The following CA10 variants were observed in gnomAD, a reference collection of about 807,000 sequenced individuals.
The protein encoded by CA10 is carbonic anhydrase-related protein 10.
Under a neutral mutation model 44.2 loss-of-function variants are expected in CA10, and 14 were observed. That is an observed-to-expected ratio of 0.32 (90% CI 0.21 to 0.50). The LOEUF is 0.50. Among genes scored for constraint, CA10 ranks in the 20% least tolerant of loss-of-function variants. The pLI, the probability that CA10 is intolerant of heterozygous loss-of-function variation, is 0.99. For missense variants in CA10, 350 were observed against 409.7 expected (o/e 0.85, Z 1.26); for synonymous variants, 159 against 141.6 (o/e 1.12, Z -0.87).
chr17:52,153,068 C>T (rs2143416982), intron 1 of CA10, among the ~76,000 whole-genome samples: 1 of 152,228 alleles, frequency 6.6e-6, no homozygotes, highest in Admixed American at 6.5e-5. Flanking sequence ...TAAACTGAGA[C>T]ATTAGTTACT....
intron 2 of CA10, among the ~76,000 whole-genome samples, chr17:52,002,128 T>C (rs1277728418): frequency 6.6e-6 from 1 of 151,884 alleles, no homozygotes; most frequent in Non-Finnish European, 1.5e-5. Context: ...CATGAAACTT[T>C]AATTAATGGC....
At chr17:51,799,919 G>A (rs1378739615) in intron 3 of CA10, among the ~76,000 whole-genome samples, 2 of 152,190 alleles carry the variant, frequency 1.3e-5, no homozygotes, top group Non-Finnish European at 2.9e-5. Context: ...TTGGAGAAAT[G>A]TATGTTGGTG....
At chr17:51,646,978 A>T (rs763579998) in intron 6 of CA10, among the ~76,000 whole-genome samples, 3 of 151,658 alleles carry the variant, frequency 2.0e-5, no homozygotes, top group South Asian at 2.1e-4. Flanking sequence ...ATCTTTCCCC[A>T]TGCAGGCCAG....
At chr17:51,711,524 C>T (rs1180668099) in intron 4 of CA10, among the ~76,000 whole-genome samples, 1 of 152,160 alleles carries the variant, frequency 6.6e-6, no homozygotes, top group Non-Finnish European at 1.5e-5. Context: ...TGTAACTCTT[C>T]TGCTGCAAAA....
intron 4 of CA10, among the ~76,000 whole-genome samples, chr17:51,708,273 G>A (rs1182271630): frequency 2.0e-5 from 3 of 152,230 alleles, no homozygotes; most frequent in East Asian, 1.9e-4. Context: ...GGATGGCAAA[G>A]CATTGGCTTG....
chr17:51,948,351 C>T lies in CA10; in HGVS notation c.137-17219G>A, dbSNP rs1433221044. Among the ~76,000 whole-genome samples the T allele has an allele frequency of 7.2e-5, 11 of 152,274 alleles. No individual in the cohort carries two copies. In the South Asian group the frequency reaches 2.3e-3, roughly 32 times the overall value. On this transcript the variant is annotated intron_variant, in intron 2 of 8. Coordinates refer to ENST00000451037, the MANE Select transcript of CA10 (RefSeq NM_020178.5). ...CCTCCTGTTCCGGTTGGCATTATTC[C>T]AGCGATGGGTCATTGCCCTGGCACT...
rs146552710 is a variant in CA10 at position 51,666,268 on chromosome 17, G to A, written c.466-12532C>T. On this transcript the variant is annotated intron_variant, in intron 4 of 8. Coordinates refer to ENST00000451037, the MANE Select transcript of CA10 (RefSeq NM_020178.5). ...AGACCATGTGTAAGAGGAAGAGGCT[G>A]GAGCCCAGAAGGGAAGGGGAATGAG... 4.2e-3 allele frequency among the ~76,000 whole-genome samples: 634 copies of A among 152,300 alleles called. 17 individuals are homozygous for A. Among genetic ancestry groups the A allele is most frequent in the Admixed American group, 0.036 (548 of 15,294 alleles).
At chr17:52,009,618 A>C (rs2144132710) in intron 2 of CA10, among the ~76,000 whole-genome samples, 1 of 152,206 alleles carries the variant, frequency 6.6e-6, no homozygotes, top group East Asian at 1.9e-4. Context: ...AAGGTCAATT[A>C]TAATTTGTTG....
At chr17:51,813,070 C>A (rs1318093012) in intron 3 of CA10, among the ~76,000 whole-genome samples, 1 of 152,112 alleles carries the variant, frequency 6.6e-6, no homozygotes, top group Admixed American at 6.5e-5. Context: ...AGAAGAAGCA[C>A]AGAGTGAACA....
At chr17:51,983,361 CTCACA>C (rs1258035374) in intron 2 of CA10, among the ~76,000 whole-genome samples, 2 of 151,820 alleles carry the variant, frequency 1.3e-5, no homozygotes, top group African/African-American at 4.8e-5. Context: ...CACAATCTCT[CTCACA>C]TAAGGCTTTC....
chr17:51,640,761 A>T (rs897408707), intron 6 of CA10, among the ~76,000 whole-genome samples: 1 of 152,242 alleles, frequency 6.6e-6, no homozygotes, highest in African/African-American at 2.4e-5. Flanking sequence ...TAGGCCAGGA[A>T]CTAGCTTTTA....
intron 4 of CA10, among the ~76,000 whole-genome samples, chr17:51,722,328 C>T (rs1028394424): frequency 6.6e-5 from 10 of 152,160 alleles, no homozygotes; most frequent in African/African-American, 2.2e-4. Flanking sequence ...AATGATCTGG[C>T]CTAATTCCAG....
intron 3 of CA10, among the ~76,000 whole-genome samples, chr17:51,928,798 A>G (rs1051917794): frequency 3.3e-5 from 5 of 152,162 alleles, no homozygotes; most frequent in East Asian, 1.9e-4. Context: ...CAAGTTTCCA[A>G]CTCATTAAAC....
intron 4 of CA10, among the ~76,000 whole-genome samples, chr17:51,706,305 A>T (rs1251038865): frequency 6.6e-6 from 1 of 152,166 alleles, no homozygotes; most frequent in Non-Finnish European, 1.5e-5. Flanking sequence ...TCTGCATTTG[A>T]TTCCTGAGTA....
At chr17:52,129,825 G>C (rs1399564530) in intron 1 of CA10, among the ~76,000 whole-genome samples, 1 of 152,224 alleles carries the variant, frequency 6.6e-6, no homozygotes, top group East Asian at 1.9e-4. Context: ...AACAAGATTT[G>C]TTGACAATTC....
chr17:51,975,453 C>A (rs144137022), intron 2 of CA10, among the ~76,000 whole-genome samples: 3 of 152,058 alleles, frequency 2.0e-5, no homozygotes, highest in African/African-American at 4.8e-5. Context: ...CCAAGGCAGG[C>A]AAATCACCTG....
At chr17:51,707,109 G>T (rs116487362) in intron 4 of CA10, among the ~76,000 whole-genome samples, 4 of 151,804 alleles carry the variant, frequency 2.6e-5, no homozygotes, top group Admixed American at 2.0e-4. Flanking sequence ...GTTGTTCCTC[G>T]GTGCCTAGAT....
At chr17:51,964,704 A>G (rs11871480) in intron 2 of CA10, among the ~76,000 whole-genome samples, 1 of 151,758 alleles carries the variant, frequency 6.6e-6, no homozygotes, top group African/African-American at 2.4e-5. Flanking sequence ...CAAAAAAAAA[A>G]TCTTTGAAAT....
At chr17:51,927,213 C>T (rs1245249983) in intron 3 of CA10, among the ~76,000 whole-genome samples, 1 of 152,124 alleles carries the variant, frequency 6.6e-6, no homozygotes, top group Admixed American at 6.6e-5. Context: ...ACCTTTTATA[C>T]CTAACATATG....
Sources: allele counts gnomAD v4.1 joint callset (sites outside exome capture counted in the v4.1 genomes callset), GRCh38; gene constraint gnomAD v4.1.1; transcripts MANE v1.5; gene names NCBI Gene and HGNC (gene_info 2026-07-23, HGNC 2026-07-21).